The following NUP93 variants were observed in gnomAD, a reference collection of about 807,000 sequenced individuals.
The protein encoded by NUP93 is nuclear pore complex protein Nup93.
Under a neutral mutation model 107.8 loss-of-function variants are expected in NUP93, and 55 were observed. The ratio of observed to expected loss-of-function variants is 0.51; its 90% CI spans 0.41 to 0.64. NUP93 has a LOEUF of 0.64. Among genes scored for constraint, NUP93 ranks in the 30% least tolerant of loss-of-function variants. The probability of loss-of-function intolerance (pLI) is 0.00; values close to 1 mark genes in which losing one functional copy is unlikely to be tolerated. For missense variants in NUP93, 937 were observed against 1,044.7 expected, an observed-to-expected ratio of 0.90 and a Z score of 1.42; for synonymous variants, 390 against 397.5, an observed-to-expected ratio of 0.98 and a Z score of 0.22.
intron 21 of NUP93, chr16:56,842,529 A>G (rs1361461344): frequency 1.6e-5 from 7 of 430,812 alleles, no homozygotes; most frequent in South Asian, 1.2e-4. Flanking sequence ...CAGTTAAACC[A>G]TAAGGGGACA....
In NUP93 at chr16:56,839,233, CTTTTTTTTTTTTT is replaced by C. The variant is rs71152206; in HGVS notation, c.2136+179_2136+191del. On this transcript the variant is annotated intron_variant, in intron 19 of 21. Transcript: ENST00000308159. ...GACTTAAAAGGAGTTTCCTGTGTGGCTTTTTTTTTTTTTTTTTTTTTTTTTTTGCCTATTCCTT... is the reference window on the plus strand; with the variant it reads ...GACTTAAAAGGAGTTTCCTGTGTGGCTTTTTTTTTTTTTTGCCTATTCCTT... The C allele has an allele frequency of 1.6e-3, 87 of 52,870 alleles. 2 individuals are homozygous for C. Among genetic ancestry groups the C allele is most frequent in the Non-Finnish European group, 2.5e-3 (75 of 30,166 alleles). 3.3% of individuals were successfully genotyped at this position (52,870 alleles called of 1,614,324 possible).
chr16:56,742,803 A>G (rs1351071549), intron 1 of NUP93, among the ~76,000 whole-genome samples: 2 of 152,176 alleles, frequency 1.3e-5, no homozygotes, highest in Non-Finnish European at 2.9e-5. Flanking sequence ...AAGTCTAGAG[A>G]ACTAGTGAGT....
intron 16 of NUP93, 32 bp downstream of exon 16, chr16:56,834,810 G>A (rs779454927): frequency 1.9e-5 from 29 of 1,516,020 alleles, no homozygotes; most frequent in African/African-American, 5.5e-5. Context: ...AGAAATGTTC[G>A]TTAGCCATTG....
rs202157813 is a variant in NUP93, at chr16:56,839,260, T to G, written c.2136+191T>G. On this transcript the variant is annotated intron_variant, in intron 19 of 21. Transcript: ENST00000308159. ...TTTTTTTTTTTTTTTTTTTTTTTTT[T>G]GCCTATTCCTTTCCCCTTTAATCTG... is the stretch of plus-strand genomic sequence containing the variant. The G allele has an allele frequency of 8.6e-3, 2,368 of 275,514 alleles. 59 individuals carry two copies. The highest frequency in any genetic ancestry group is 0.061 in the Admixed American group (991 of 16,170). 17.1% of individuals were successfully genotyped at this position (275,514 alleles called of 1,614,324 possible). A position where few individuals can be genotyped will look rare whatever the true frequency, so the allele number is the denominator to read the frequency against.
At chr16:56,790,127 C>CAA (rs1555493209) in intron 3 of NUP93, among the ~76,000 whole-genome samples, 20 of 141,764 alleles carry the variant, frequency 1.4e-4, no homozygotes, top group African/African-American at 3.7e-4. Context: ...CAAAACAAAA[C>CAA]AAAAAAACAA....
rs1963531636 is a variant in NUP93 at position 56,821,063 on chromosome 16, A to G, written c.565-441A>G. On this transcript the variant is annotated intron_variant, in intron 6 of 21. Transcript: ENST00000308159. ...ATATTCCACATGTGCCACACCTGCT[A>G]TTCTAACACTTGTGGAGGGAGGCAG... Among the ~76,000 whole-genome samples, 3 of 152,212 alleles carry G rather than the reference A, an allele frequency of 2.0e-5. No homozygotes were observed. In the South Asian group the frequency reaches 6.2e-4, roughly 32 times the overall value.
rs1431103160 is a variant in NUP93 at position 56,808,233 on chromosome 16, T to A, written c.489+2601T>A. Among the ~76,000 whole-genome samples the A allele has an allele frequency of 8.2e-3, 816 of 99,072 alleles. 1 individual carries two copies. The highest frequency in any genetic ancestry group is 0.012 in the Non-Finnish European group (612 of 51,946). 65.0% of individuals were successfully genotyped at this position (99,072 alleles called of 152,430 possible). On this transcript the variant is annotated intron_variant, in intron 5 of 21. Transcript: ENST00000308159. ...TATAGTTATGTAACTATATAAAATA[T>A]ATAGTTATGTAACTATATAAAATAT...
intron 3 of NUP93, among the ~76,000 whole-genome samples, chr16:56,794,385 T>C (rs766006517): frequency 7.3e-6 from 1 of 136,516 alleles, no homozygotes; most frequent in Non-Finnish European, 1.5e-5. Context: ...TTATTGAGAG[T>C]TCTAAAATGC....
At position 56,807,823 on chromosome 16, in the gene NUP93, C is replaced by T. The variant is rs147288238; in HGVS notation, c.489+2191C>T. Among the ~76,000 whole-genome samples, 663 of 151,748 alleles carry T rather than the reference C, an allele frequency of 4.4e-3. 5 individuals are homozygous for T. Among genetic ancestry groups the T allele is most frequent in the African/African-American group, 0.014 (598 of 41,370 alleles). On this transcript the variant is annotated intron_variant, in intron 5 of 21. Transcript: ENST00000308159. ...GGATCACAAGGTCAGGAAATCAAGA[C>T]CATCCTGGCCAACATGGTGAAACCT... is the stretch of plus-strand genomic sequence containing the variant.
intron 2 of NUP93, among the ~76,000 whole-genome samples, chr16:56,755,779 G>A (rs1240884341): frequency 1.3e-5 from 2 of 152,144 alleles, no homozygotes; most frequent in African/African-American, 4.8e-5. Context: ...AGAGGCTGAG[G>A]CACAAGAATT....
intron 8 of NUP93, among the ~76,000 whole-genome samples, chr16:56,828,421 G>A (rs1407575379): frequency 6.6e-6 from 1 of 152,008 alleles, no homozygotes; most frequent in African/African-American, 2.4e-5. Context: ...AGGTTAGGCA[G>A]GAGAAGGTCC....
At position 56,744,949 on chromosome 16, in the gene NUP93, G is replaced by GA. The variant is rs568487599; in HGVS notation, c.-14-3279dup. Among the ~76,000 whole-genome samples the GA allele has an allele frequency of 4.1e-4, 62 of 152,270 alleles. 1 individual carries two copies. The highest frequency in any genetic ancestry group is 1.4e-3 in the African/African-American group (57 of 41,558). On this transcript the variant is annotated intron_variant, in intron 1 of 21. Coordinates refer to ENST00000308159, the MANE Select transcript of NUP93 (RefSeq NM_014669.5). ...GAAGGACAGACTCTCACCAACGGAA[G>GA]AAAAAACACCTCCTATTCATTCAAA...
chr16:56,834,348 G>C (rs1190527011), intron 14 of NUP93, 22 bp from the exon 15 acceptor site: 1 of 1,614,158 alleles, frequency 6.2e-7, no homozygotes, highest in Admixed American at 1.7e-5. Flanking sequence ...ACTGGAAACT[G>C]AGTTGTTTAT....
At chr16:56,736,809 G>A (rs1961622026) in intron 1 of NUP93, among the ~76,000 whole-genome samples, 1 of 152,206 alleles carries the variant, frequency 6.6e-6, no homozygotes, top group Non-Finnish European at 1.5e-5. Context: ...CACACACTGT[G>A]AAGTAGGGAA....
chr16:56,758,038 T>C (rs542752464), intron 2 of NUP93, among the ~76,000 whole-genome samples: 1 of 151,030 alleles, frequency 6.6e-6, no homozygotes, highest in South Asian at 2.1e-4. Flanking sequence ...GCCACTGCAA[T>C]CCAGTCTGGA....
chr16:56,739,597 G>A (rs1448658104), intron 1 of NUP93, among the ~76,000 whole-genome samples: 3 of 106,146 alleles, frequency 2.8e-5, no homozygotes, highest in African/African-American at 1.2e-4. Flanking sequence ...CCTCCCTCCC[G>A]GATGGGGCGG....
At chr16:56,839,679 T>A in intron 20 of NUP93, 75 bp downstream of exon 20, 1 of 1,137,826 alleles carries the variant, frequency 8.8e-7, no homozygotes, top group Non-Finnish European at 1.3e-6. Context: ...TTCCTGTACC[T>A]AACAGCTTTA....
intron 6 of NUP93, 131 bp from the exon 7 acceptor site, chr16:56,821,373 T>C (rs1158408024): frequency 1.7e-6 from 1 of 601,660 alleles, no homozygotes; most frequent in Non-Finnish European, 3.0e-6. Flanking sequence ...AGCTGGCCAG[T>C]GTGGATGGCT....
At chr16:56,833,086 C>T (rs1963828510) in intron 12 of NUP93, 129 bp from the exon 13 acceptor site, 2 of 753,432 alleles carry the variant, frequency 2.7e-6, no homozygotes, top group Non-Finnish European at 4.3e-6. Flanking sequence ...TCAATTCAGA[C>T]TCAATCTGGT....
Sources: allele counts gnomAD v4.1 joint callset (sites outside exome capture counted in the v4.1 genomes callset), GRCh38; gene constraint gnomAD v4.1.1; transcripts MANE v1.5; gene names NCBI Gene and HGNC (gene_info 2026-07-23, HGNC 2026-07-21).